HMCN1: variants seen among roughly 807,000 people sequenced by gnomAD.
HMCN1 encodes the protein hemicentin 1.
In HMCN1, 321 loss-of-function variants were observed where a neutral mutation model predicts 625.9. That is an observed-to-expected ratio of 0.51 (90% CI 0.47 to 0.56). The LOEUF is 0.56. Among genes scored for constraint, HMCN1 ranks in the 20% least tolerant of loss-of-function variants. The probability of loss-of-function intolerance (pLI) is 0.00; values close to 1 mark genes in which losing one functional copy is unlikely to be tolerated. For missense variants in HMCN1, 6,588 were observed against 6,887.3 expected, an observed-to-expected ratio of 0.96 and a Z score of 1.54; for synonymous variants, 2,425 against 2,417.6, an observed-to-expected ratio of 1.00 and a Z score of -0.09.
intron 11 of HMCN1, among the ~76,000 whole-genome samples, chr1:185,952,503 G>A (rs1649277151): frequency 6.6e-6 from 1 of 151,628 alleles, no homozygotes; most frequent in South Asian, 2.1e-4. Context: ...GACTAGGAAG[G>A]GACTGATGTG....
At chr1:186,128,448 C>T (rs1195618165) in intron 83 of HMCN1, among the ~76,000 whole-genome samples, 157 bp downstream of exon 83, 2 of 151,952 alleles carry the variant, frequency 1.3e-5, no homozygotes, top group African/African-American at 4.8e-5. Context: ...ACCCTCTACC[C>T]AATATATATG....
At chr1:186,118,795 GA>G (rs1259284747) in intron 77 of HMCN1, among the ~76,000 whole-genome samples, 1 of 152,192 alleles carries the variant, frequency 6.6e-6, no homozygotes, top group East Asian at 1.9e-4. Context: ...GAAGTGTTCA[GA>G]AAAGGCAAAT....
At chr1:186,151,131 C>T in intron 93 of HMCN1, 69 bp from the exon 94 acceptor site, 4 of 1,494,328 alleles carry the variant, frequency 2.7e-6, no homozygotes, top group East Asian at 2.3e-5. Flanking sequence ...AATACTGGCC[C>T]TCTTTTCTCC....
At chr1:185,757,265 G>A (rs905547713) in intron 1 of HMCN1, among the ~76,000 whole-genome samples, 1 of 152,136 alleles carries the variant, frequency 6.6e-6, no homozygotes. Context: ...GAGCCACTGT[G>A]CCCAGCTATA....
intron 30 of HMCN1, among the ~76,000 whole-genome samples, chr1:186,013,764 A>ACCTC (rs1277764854): frequency 1.3e-5 from 2 of 152,056 alleles, no homozygotes; most frequent in Non-Finnish European, 2.9e-5. Context: ...CAATTGAAAG[A>ACCTC]CCTCCCAATA....
intron 2 of HMCN1, among the ~76,000 whole-genome samples, chr1:185,852,296 G>T (rs946365862): frequency 4.0e-5 from 6 of 151,722 alleles, no homozygotes; most frequent in Non-Finnish European, 8.8e-5. Flanking sequence ...AAATGCTATT[G>T]TATAAAACTG....
intron 1 of HMCN1, among the ~76,000 whole-genome samples, chr1:185,814,158 AAATAGAAGAGGCCTTC>A (rs1462942585): frequency 6.6e-6 from 1 of 152,198 alleles, no homozygotes; most frequent in Non-Finnish European, 1.5e-5. Context: ...AACAACTTGA[AAATAGAAGAGGCCTTC>A]ACAATCGAGT....
chr1:186,128,258 T>A lies in HMCN1; in HGVS notation c.12871T>A (p.Leu4291Ile). Residue 4291 changes from leucine to isoleucine, a missense_variant, in exon 83 of 107, where the codon TTA becomes ATA. Transcript: ENST00000271588. ...CKATGIPLPKLTWTFNNNIIP... is the reference protein window; with the variant it reads ...CKATGIPLPKITWTFNNNIIP... ...AGCTACTGGTATTCCATTGCCCAAATTAACATGGACCTTCAATAACAATAT... is the reference window on the plus strand; with the variant it reads ...AGCTACTGGTATTCCATTGCCCAAAATAACATGGACCTTCAATAACAATAT... The A allele has an allele frequency of 6.2e-7, 1 of 1,613,458 alleles. No individual in the cohort carries two copies. The highest frequency in any genetic ancestry group is 1.1e-5 in the South Asian group (1 of 91,076).
intron 9 of HMCN1, 30 bp from the exon 10 acceptor site, chr1:185,928,516 A>G (rs763929013): frequency 1.9e-6 from 3 of 1,596,772 alleles, no homozygotes; most frequent in East Asian, 4.5e-5. Flanking sequence ...TTTTATAGTA[A>G]CTAAAAGTTT....
In HMCN1 at chr1:186,132,249, A is replaced by C. The variant is rs917272905; in HGVS notation, c.13231-79A>C. The C allele has an allele frequency of 4.1e-6, 4 of 964,172 alleles. No homozygotes were observed. The African/African-American group carries it at 6.5e-5, about 16-fold the overall frequency. The allele number at this position is 964,172 out of a possible 1,614,324, so 59.7% of individuals were successfully genotyped here. Reference sequence around the variant, plus strand: ...CTTCTCAAAAATGAAATTTCAAATAAACTAGCATCATGGTGAAAAAAGTGA... The same window carrying C: ...CTTCTCAAAAATGAAATTTCAAATACACTAGCATCATGGTGAAAAAAGTGA... On this transcript the variant is annotated intron_variant, in intron 85 of 106. Coordinates refer to ENST00000271588, the MANE Select transcript of HMCN1 (RefSeq NM_031935.3).
intron 1 of HMCN1, among the ~76,000 whole-genome samples, chr1:185,805,235 A>G (rs993269522): frequency 3.9e-5 from 6 of 152,220 alleles, no homozygotes. Flanking sequence ...TTTCACAGTT[A>G]TAAGTACAGT....
chr1:185,939,470 G>A (rs917008383), intron 11 of HMCN1, among the ~76,000 whole-genome samples: 1 of 152,168 alleles, frequency 6.6e-6, no homozygotes, highest in Non-Finnish European at 1.5e-5. Context: ...TACAAAACGT[G>A]TACATGATTG....
At chr1:186,058,295 T>A (rs7524432) in intron 46 of HMCN1, among the ~76,000 whole-genome samples, 2,386 of 152,102 alleles carry the variant, frequency 0.016, 56 homozygotes, top group African/African-American at 0.054. Context: ...AGTTTCTCAG[T>A]ATGCATTAAT....
At chr1:186,062,745 T>C (rs553649277) in intron 48 of HMCN1, 145 bp downstream of exon 48, 7 of 687,508 alleles carry the variant, frequency 1.0e-5, no homozygotes, top group Non-Finnish European at 1.9e-5. Flanking sequence ...TGGTGAAGTC[T>C]CAGTGATGGT....
At chr1:185,778,029 G>T (rs1051288968) in intron 1 of HMCN1, among the ~76,000 whole-genome samples, 3 of 152,170 alleles carry the variant, frequency 2.0e-5, no homozygotes, top group Non-Finnish European at 4.4e-5. Context: ...AACAAAATGG[G>T]CTAGGGTTTC....
intron 1 of HMCN1, among the ~76,000 whole-genome samples, chr1:185,799,506 G>C (rs971441322): frequency 3.9e-5 from 6 of 152,150 alleles, no homozygotes; most frequent in African/African-American, 7.2e-5. Flanking sequence ...CCCTGATTGT[G>C]GGGGGAGTGG....
At position 185,994,967 on chromosome 1, in the gene HMCN1, A is replaced by G. The variant is rs1360858958; in HGVS notation, c.3658A>G (p.Ser1220Gly). ...GCTGGTTGATGGAGAGCACCATGTT[A>G]GCAATCCAGACGGAACTTTAAGCAT... ...TMLVDGEHHVSNPDGTLSIDQ... is the reference protein window; with the variant it reads ...TMLVDGEHHVGNPDGTLSIDQ... Residue 1220 changes from serine to glycine, a missense_variant, in exon 24 of 107, where the codon AGC becomes GGC. By Grantham distance (56) the Ser-to-Gly change is moderately conservative. Coordinates refer to ENST00000271588, the MANE Select transcript of HMCN1 (RefSeq NM_031935.3). 6.2e-7 allele frequency: 1 copy of G among 1,613,932 alleles called. No individual in the cohort carries two copies. The highest frequency in any genetic ancestry group is 1.7e-5 in the Admixed American group (1 of 59,988).
chr1:186,119,079 A>T (rs1353766902), intron 77 of HMCN1, 112 bp from the exon 78 acceptor site: 12 of 776,532 alleles, frequency 1.5e-5, no homozygotes. Context: ...GTATGAATAT[A>T]AGCCAAGCAC....
chr1:185,898,721 T>C (rs919531705), intron 4 of HMCN1, among the ~76,000 whole-genome samples: 3 of 152,080 alleles, frequency 2.0e-5, no homozygotes, highest in African/African-American at 7.2e-5. Context: ...GGTATACATA[T>C]CTAGTTTAGT....
Sources: gnomAD v4.1 joint callset for allele counts (sites outside exome capture counted in the v4.1 genomes callset) on GRCh38, gnomAD v4.1.1 for gene constraint, MANE v1.5 for transcripts, NCBI Gene and HGNC (gene_info 2026-07-23, HGNC 2026-07-21) for gene names.